The following DGKD variants were observed in gnomAD, a reference collection of about 807,000 sequenced individuals.
DGKD encodes the protein DAG kinase delta.
DGKD carries 68 observed loss-of-function variants against 154.4 expected under a neutral mutation model. That is an observed-to-expected ratio of 0.44 (90% CI 0.36 to 0.54). The LOEUF (loss-of-function observed/expected upper bound fraction) is 0.54. Among genes scored for constraint, DGKD ranks in the 20% least tolerant of loss-of-function variants. The pLI, the probability that DGKD is intolerant of heterozygous loss-of-function variation, is 0.00. For synonymous variants in DGKD, 693 were observed against 638.0 expected (o/e 1.09, Z -1.30); for missense variants, 1,343 against 1,593.6 (o/e 0.84, Z 2.68).
intron 19 of DGKD, among the ~76,000 whole-genome samples, 195 bp downstream of exon 19, chr2:233,455,068 G>T (rs2124902012): frequency 6.6e-6 from 1 of 152,346 alleles, no homozygotes; most frequent in Middle Eastern, 3.4e-3. Flanking sequence ...TCTCGGGCTG[G>T]CCAGGTCAAG....
intron 1 of DGKD, among the ~76,000 whole-genome samples, chr2:233,375,053 C>T (rs1702499259): frequency 6.6e-6 from 1 of 152,108 alleles, no homozygotes; most frequent in Non-Finnish European, 1.5e-5. Context: ...ACTTTGGGCG[C>T]CCAAGTCCGG....
In DGKD at chr2:233,445,647, G is replaced by A; in HGVS notation, c.1219G>A (p.Gly407Ser). ...GTGTCAGCTGGGAGTGCTGCCGCTCGGCACAGGGAACGACTTGGCCCGAGT... is the reference window on the plus strand; with the variant it reads ...GTGTCAGCTGGGAGTGCTGCCGCTCAGCACAGGGAACGACTTGGCCCGAGT... Reference protein sequence around the residue: ...KQCQLGVLPLGTGNDLARVLG... With the variant: ...KQCQLGVLPLSTGNDLARVLG... The change falls in exon 11 of 30, where the codon GGC becomes AGC. Residue 407 changes from glycine to serine, a missense_variant. Physicochemically the swap from Gly to Ser is moderately conservative, Grantham distance 56 (BLOSUM62 0). This residue lies in a region of DGKD where 56 missense variants were observed against 111.1 expected (regional missense o/e 0.50). Coordinates refer to ENST00000264057, the MANE Select transcript of DGKD (RefSeq NM_152879.3). This position sits in a 1 kb window ranked among gnomAD's most constrained non-coding sequence, Gnocchi z 5.5. The A allele has an allele frequency of 6.2e-7, 1 of 1,611,974 alleles. No individual in the cohort carries two copies. Among genetic ancestry groups the A allele is most frequent in the Non-Finnish European group, 8.5e-7 (1 of 1,178,944 alleles).
At chr2:233,388,200 A>G in intron 1 of DGKD, 57 bp from the exon 2 acceptor site, 1 of 1,585,290 alleles carries the variant, frequency 6.3e-7, no homozygotes, top group Non-Finnish European at 8.6e-7. Flanking sequence ...TTTCAGCCGG[A>G]AGAGTGAAAG....
intron 1 of DGKD, among the ~76,000 whole-genome samples, chr2:233,356,470 A>G (rs1219372283): frequency 1.3e-5 from 2 of 152,234 alleles, no homozygotes; most frequent in Non-Finnish European, 2.9e-5. Context: ...CCTGTTGCCC[A>G]GGCAAGGTAC....
At chr2:233,390,563 G>C (rs945866983) in intron 3 of DGKD, 80 bp downstream of exon 3, 2 of 1,028,664 alleles carry the variant, frequency 1.9e-6, no homozygotes, top group Non-Finnish European at 2.9e-6. Context: ...TGTCCAAGCA[G>C]TTCAAACGTT....
intron 1 of DGKD, among the ~76,000 whole-genome samples, chr2:233,381,877 C>T (rs1418571605): frequency 6.6e-6 from 1 of 152,114 alleles, no homozygotes; most frequent in Non-Finnish European, 1.5e-5. Flanking sequence ...TCTCATAGAC[C>T]AGAAGTGTTT....
intron 14 of DGKD, among the ~76,000 whole-genome samples, chr2:233,448,768 T>A (rs1204164305): frequency 2.0e-5 from 3 of 152,124 alleles, no homozygotes; most frequent in African/African-American, 7.2e-5. Flanking sequence ...AAGGTCACAC[T>A]CCTGTGCAAA....
At chr2:233,411,126 G>T (rs1047015194) in intron 3 of DGKD, among the ~76,000 whole-genome samples, 2 of 151,870 alleles carry the variant, frequency 1.3e-5, no homozygotes, top group African/African-American at 4.8e-5. Context: ...TCTAGTTTTG[G>T]GTTATTACTA....
At chr2:233,448,032 C>A (rs1047001256) in intron 12 of DGKD, 55 bp from the exon 13 acceptor site, 4 of 1,608,530 alleles carry the variant, frequency 2.5e-6, no homozygotes, top group South Asian at 2.2e-5. Context: ...CTGGGACTGT[C>A]ATGGAGCTTG....
intron 10 of DGKD, among the ~76,000 whole-genome samples, chr2:233,444,966 T>C (rs1395225078): frequency 2.0e-5 from 3 of 151,800 alleles, no homozygotes; most frequent in Admixed American, 2.0e-4. Flanking sequence ...TCCTAAGCAA[T>C]GGAATGGTGT....
At chr2:233,391,315 T>A (rs756891077) in intron 3 of DGKD, among the ~76,000 whole-genome samples, 34 of 152,246 alleles carry the variant, frequency 2.2e-4, no homozygotes, top group Non-Finnish European at 1.5e-4. Context: ...AGCTGCTTAC[T>A]CTACAGTGTT....
At chr2:233,403,060 G>A (rs1275718720) in intron 3 of DGKD, among the ~76,000 whole-genome samples, 1 of 152,152 alleles carries the variant, frequency 6.6e-6, no homozygotes, top group Non-Finnish European at 1.5e-5. Context: ...AGAGCTGGAT[G>A]TGGGGACGGG....
intron 3 of DGKD, among the ~76,000 whole-genome samples, chr2:233,403,648 T>TC (rs1318070534): frequency 6.8e-6 from 1 of 146,722 alleles, no homozygotes; most frequent in East Asian, 2.0e-4. Context: ...TCTTCAGACT[T>TC]TTTTTTTTTT....
At chr2:233,430,497 G>C (rs1165603737) in intron 3 of DGKD, among the ~76,000 whole-genome samples, 1 of 152,156 alleles carries the variant, frequency 6.6e-6, no homozygotes, top group East Asian at 1.9e-4. Flanking sequence ...TGACAAAAGG[G>C]ACAATGTGAT....
chr2:233,445,543 G>A lies in DGKD; in HGVS notation c.1195-80G>A, dbSNP rs2124826732. The A allele has an allele frequency of 2.0e-6, 3 of 1,505,408 alleles. No individual in the cohort carries two copies. Among genetic ancestry groups the A allele is most frequent in the Middle Eastern group, 2.0e-4 (1 of 4,910 alleles). 93.3% of individuals were successfully genotyped at this position (1,505,408 alleles called of 1,614,324 possible). A position where few individuals can be genotyped will look rare whatever the true frequency, so the allele number is the denominator to read the frequency against. ...ATTGCTAACGTAACCCTCACGGTGGGGGACAAGGAGGGCTGCGGGCTGGGA... is the reference window on the plus strand; with the variant it reads ...ATTGCTAACGTAACCCTCACGGTGGAGGACAAGGAGGGCTGCGGGCTGGGA... On this transcript the variant is annotated intron_variant, in intron 10 of 29. Transcript: ENST00000264057. The surrounding 1 kb of genome is among the most constrained non-coding windows in gnomAD (Gnocchi z 5.5).
intron 16 of DGKD, 86 bp downstream of exon 16, chr2:233,450,217 G>T: frequency 5.5e-6 from 8 of 1,448,216 alleles, no homozygotes; most frequent in Non-Finnish European, 7.3e-6. Flanking sequence ...AGGTTTTAGG[G>T]CACTTTCTCA....
At chr2:233,367,492 G>C (rs1386397924) in intron 1 of DGKD, among the ~76,000 whole-genome samples, 2 of 152,102 alleles carry the variant, frequency 1.3e-5, no homozygotes, top group East Asian at 3.8e-4. Context: ...GCCTCCCAAA[G>C]TGTTGGGATG....
At chr2:233,404,071 A>T (rs947221172) in intron 3 of DGKD, among the ~76,000 whole-genome samples, 1 of 152,198 alleles carries the variant, frequency 6.6e-6, no homozygotes, top group African/African-American at 2.4e-5. Context: ...TGTGTTATAT[A>T]CATGTATAAT....
intron 3 of DGKD, among the ~76,000 whole-genome samples, chr2:233,398,848 TC>T (rs2061488205): frequency 6.6e-6 from 1 of 152,130 alleles, no homozygotes; most frequent in South Asian, 2.1e-4. Context: ...GGTCTTGAAC[TC>T]CTGAGCTCAA....
Sources: allele counts gnomAD v4.1 joint callset (sites outside exome capture counted in the v4.1 genomes callset), GRCh38; gene constraint gnomAD v4.1.1; regional missense constraint gnomAD v4.1.1; non-coding constraint Gnocchi (gnomAD v3.1); transcripts MANE v1.5; gene names NCBI Gene and HGNC (gene_info 2026-07-23, HGNC 2026-07-21).